Variants in MCM4 observed in about 807,000 individuals in gnomAD.
MCM4 encodes minichromosome maintenance complex component 4.
In MCM4, 60 loss-of-function variants were observed where a neutral mutation model predicts 88.7. The ratio of observed to expected loss-of-function variants is 0.68; its 90% CI spans 0.55 to 0.84. The LOEUF is 0.84. Ranked by LOEUF, MCM4 falls within the 40% of genes least tolerant of loss-of-function variation. The pLI, the probability that MCM4 is intolerant of heterozygous loss-of-function variation, is 0.00. For synonymous variants in MCM4, 465 were observed against 410.5 expected (o/e 1.13, Z -1.61); for missense variants, 1,149 against 1,105.5 (o/e 1.04, Z -0.56).
chr8:47,964,298 C>CA (rs1344474555), intron 7 of MCM4, among the ~76,000 whole-genome samples: 3 of 152,148 alleles, frequency 2.0e-5, no homozygotes, highest in Admixed American at 1.3e-4. Context: ...AGTGTGAGGT[C>CA]AAAATCTTTT....
intron 15 of MCM4, 64 bp downstream of exon 15, chr8:47,975,026 T>TTA: frequency 7.7e-7 from 1 of 1,307,066 alleles, no homozygotes; most frequent in South Asian, 1.3e-5. Context: ...GTAGTTTATA[T>TTA]GTCAGATTTA....
At position 47,973,062 on chromosome 8, in the gene MCM4, G is replaced by A. The variant is rs745561641; in HGVS notation, c.2134G>A (p.Glu712Lys). 6.8e-6 allele frequency: 11 copies of A among 1,612,418 alleles called. No individual in the cohort carries two copies. The highest frequency in any genetic ancestry group is 6.7e-5 in the East Asian group (3 of 44,864). The change falls in exon 14 of 17, where the codon GAG (glutamate) becomes AAG (lysine). Residue 712 changes from glutamate (E) to lysine (K), a missense_variant and splice_region_variant. By Grantham distance (56) the Glu-to-Lys change is moderately conservative (BLOSUM62 1). Transcript: ENST00000649973. Reference sequence around the variant, plus strand: ...TGAGGAAGCCAGCCAGGCTCTCATCGAGGTAACCCTGCTGAAAAAAGGCTT... The same window carrying A: ...TGAGGAAGCCAGCCAGGCTCTCATCAAGGTAACCCTGCTGAAAAAAGGCTT... ...LSEEASQALI[E>K]AYVDMRKIGS...
In MCM4 at chr8:47,962,925, TG is replaced by T. The variant is rs769691176; in HGVS notation, c.598-19del. The T allele has an allele frequency of 3.8e-6, 6 of 1,567,650 alleles. No individual in the cohort carries two copies. Among genetic ancestry groups the T allele is most frequent in the Non-Finnish European group, 5.2e-6 (6 of 1,150,730 alleles). The stretch of plus-strand genomic sequence containing the variant: ...ATAGTTAAATTAGCAAAATATAACT[TG>T]TTCATTTTTATTTTCTAGATTAATG... On this transcript the variant is annotated intron_variant, in intron 6 of 16. Transcript: ENST00000649973.
intron 13 of MCM4, among the ~76,000 whole-genome samples, chr8:47,972,455 A>G (rs1439279157): frequency 6.6e-6 from 1 of 152,066 alleles, no homozygotes; most frequent in Non-Finnish European, 1.5e-5. Context: ...CAGGGTGCAC[A>G]TTGACTGCAC....
Position 47,961,715 on chromosome 8 carries a change from G to C in MCM4, c.235+35G>C, listed in dbSNP as rs775013119. 17 of 1,573,784 alleles carry C rather than the reference G, an allele frequency of 1.1e-5. No homozygotes were observed. The Admixed American group carries it at 2.2e-4, about 20-fold the overall frequency. On this transcript the variant is annotated intron_variant, in intron 3 of 16. Transcript: ENST00000649973. The stretch of plus-strand genomic sequence containing the variant: ...TGAAGATCTTGGTTTTGCTGTGCTT[G>C]ATACACAGCTGATGCTTTATCTGCT...
chr8:47,970,895 C>T lies in MCM4; in HGVS notation c.1800+19C>T, dbSNP rs748221993. The T allele has an allele frequency of 1.6e-5, 25 of 1,564,832 alleles. No individual in the cohort carries two copies. Among genetic ancestry groups the T allele is most frequent in the Non-Finnish European group, 1.8e-5 (21 of 1,152,998 alleles). ...TGCAAAGGTGAGTCGCCTTCTCCAC[C>T]GTGAACATGGACGTGTTTAAAATAT... On this transcript the variant is annotated intron_variant, in intron 12 of 16. Coordinates refer to ENST00000649973, the MANE Select transcript of MCM4 (RefSeq NM_182746.3).
At chr8:47,965,570 CT>C (rs2090890833) in intron 8 of MCM4, among the ~76,000 whole-genome samples, 2 of 152,166 alleles carry the variant, frequency 1.3e-5, no homozygotes, top group African/African-American at 4.8e-5. Flanking sequence ...GGTAGCTTGT[CT>C]GAAACCAGCA....
In MCM4 at chr8:47,976,688, A is replaced by G; in HGVS notation, c.2502A>G (p.Ala834=). 1.2e-6 allele frequency: 2 copies of G among 1,610,932 alleles called. No individual in the cohort carries two copies. Among genetic ancestry groups the G allele is most frequent in the Non-Finnish European group, 8.5e-7 (1 of 1,177,374 alleles). ...FEDIRGQSDI[A]ITKDMFEEAL... Reference sequence around the variant, plus strand: ...TATTTTCTTTCTCTTCCCCACAGGCAATTACTAAAGATATGTTTGAAGAAG... The same window carrying G: ...TATTTTCTTTCTCTTCCCCACAGGCGATTACTAAAGATATGTTTGAAGAAG... The change falls in exon 17 of 17, where the codon GCA becomes GCG. Residue 834 remains alanine (A), a splice_region_variant and synonymous_variant. Coordinates refer to ENST00000649973, the MANE Select transcript of MCM4 (RefSeq NM_182746.3).
rs756390850 is a variant in MCM4, at chr8:47,972,757, G to C, written c.1929-100G>C. 1.5e-5 allele frequency: 12 copies of C among 822,788 alleles called. No homozygotes were observed. The African/African-American group carries it at 1.9e-4, about 13-fold the overall frequency. 51.0% of individuals were successfully genotyped at this position (822,788 alleles called of 1,614,324 possible). A position where few individuals can be genotyped will look rare whatever the true frequency, so the allele number is the denominator to read the frequency against. On this transcript the variant is annotated intron_variant, in intron 13 of 16. Transcript: ENST00000649973. ...TTTTTAGTAGAGACAAGGTTTCACC[G>C]TGTTGGCCAGGCTGGTCTCAAACTA...
intron 13 of MCM4, 62 bp downstream of exon 13, chr8:47,971,530 GCTA>G: frequency 1.3e-6 from 2 of 1,563,886 alleles, no homozygotes; most frequent in Non-Finnish European, 1.8e-6. Context: ...TTGAAAAGGA[GCTA>G]CTAAGATTTC....
chr8:47,971,877 C>CT (rs913246018), intron 13 of MCM4, among the ~76,000 whole-genome samples: 17 of 150,726 alleles, frequency 1.1e-4, no homozygotes, highest in Middle Eastern at 3.4e-3. Context: ...GCTTTTTTTT[C>CT]TTTTTTTTTG....
At chr8:47,973,095 C>CT (rs1190726506) in intron 14 of MCM4, 31 bp downstream of exon 14, 1 of 1,570,854 alleles carries the variant, frequency 6.4e-7, no homozygotes, top group South Asian at 1.1e-5. Flanking sequence ...CTTACTGTGC[C>CT]TGTAGCCCAC....
rs1049459746 is a variant in MCM4 at position 47,976,393 on chromosome 8, G to T, written c.2500-293G>T. ...GGGTGTCCTTTTGTAAATAAGTAAG[G>T]TAGTTGTTTAGTGAAAAGAACTATG... On this transcript the variant is annotated intron_variant, in intron 16 of 16. Transcript: ENST00000649973. Among the ~76,000 whole-genome samples, 4 of 152,164 alleles carry T rather than the reference G, an allele frequency of 2.6e-5. No individual in the cohort carries two copies. In the South Asian group the frequency reaches 6.2e-4, roughly 24 times the overall value.
chr8:47,971,665 C>G (rs1174920637), intron 13 of MCM4, among the ~76,000 whole-genome samples, 197 bp downstream of exon 13: 1 of 151,996 alleles, frequency 6.6e-6, no homozygotes, highest in Non-Finnish European at 1.5e-5. Flanking sequence ...GGATGTTTAC[C>G]TCCCACGCCG....
Position 47,970,653 on chromosome 8 carries a change from T to G in MCM4, c.1577T>G (p.Leu526Arg), listed in dbSNP as rs1316316738. ...CAGCTGCTGCAGTACGTGTACAACC[T>G]CGTCCCCAGGGGCCAGTACACGTCT... is the stretch of plus-strand genomic sequence containing the variant. ...KSQLLQYVYNLVPRGQYTSGK... is the reference protein window; with the variant it reads ...KSQLLQYVYNRVPRGQYTSGK... The change falls in exon 12 of 17, where the codon CTC (leucine) becomes CGC (arginine). Residue 526 changes from leucine (L) to arginine (R), a missense_variant. This residue lies in a region of MCM4 where 906 missense variants were observed against 843.0 expected (regional missense o/e 1.07). Transcript: ENST00000649973. The G allele has an allele frequency of 6.2e-7, 1 of 1,614,002 alleles. No individual in the cohort carries two copies. The highest frequency in any genetic ancestry group is 8.5e-7 in the Non-Finnish European group (1 of 1,180,040).
In MCM4 at chr8:47,974,785, T is replaced by A. The variant is rs199860681; in HGVS notation, c.2188T>A (p.Tyr730Asn). 1 of 1,614,234 alleles carries A rather than the reference T, an allele frequency of 6.2e-7. No homozygotes were observed. The highest frequency in any genetic ancestry group is 2.2e-5 in the East Asian group (1 of 44,890). ...CAGTAGCCGGGGAATGGTTTCTGCA[T>A]ACCCTCGACAGCTAGAGTCATTAAT... ...IGSSRGMVSA[Y>N]PRQLESLIRL... Residue 730 changes from tyrosine to asparagine, a missense_variant, in exon 15 of 17, where the codon TAC (tyrosine) becomes AAC (asparagine). By Grantham distance (143) the Tyr-to-Asn change is moderately radical. This residue lies in a region of MCM4 where 238 missense variants were observed against 241.6 expected (regional missense o/e 0.99). Coordinates refer to ENST00000649973, the MANE Select transcript of MCM4 (RefSeq NM_182746.3).
At chr8:47,974,691 C>T (rs767774537) in intron 14 of MCM4, 43 bp from the exon 15 acceptor site, 4 of 1,517,954 alleles carry the variant, frequency 2.6e-6, no homozygotes, top group Non-Finnish European at 3.6e-6. Context: ...AAAGTTGTCA[C>T]CAAGGAGGTT....
intron 9 of MCM4, 35 bp from the exon 10 acceptor site, chr8:47,967,330 T>G (rs1235436633): frequency 1.2e-6 from 2 of 1,613,240 alleles, no homozygotes; most frequent in East Asian, 2.2e-5. Flanking sequence ...GCCCTCTCTT[T>G]GTGGCCCACA....
At chr8:47,975,932 T>C in intron 16 of MCM4, 84 bp downstream of exon 16, 1 of 862,792 alleles carries the variant, frequency 1.2e-6, no homozygotes. Flanking sequence ...CTTTATTTAT[T>C]AAATAATAAA....
Sources: allele counts gnomAD v4.1 joint callset (sites outside exome capture counted in the v4.1 genomes callset), GRCh38; gene constraint gnomAD v4.1.1; regional missense constraint gnomAD v4.1.1; transcripts MANE v1.5; gene names NCBI Gene and HGNC (gene_info 2026-07-23, HGNC 2026-07-21).